APOOL: variants seen among roughly 807,000 people sequenced by gnomAD.
The protein encoded by APOOL is MICOS complex subunit MIC27.
In APOOL, 12 loss-of-function variants were observed where a neutral mutation model predicts 23.1. That is an observed-to-expected ratio of 0.52 (90% CI 0.33 to 0.84). The LOEUF (loss-of-function observed/expected upper bound fraction) is 0.84, where lower values mean the gene tolerates loss of function less well. APOOL is among the 40% of genes least tolerant of loss of function. APOOL has a pLI of 0.02. For missense variants in APOOL, 212 were observed against 199.6 expected (o/e 1.06, Z -0.37); for synonymous variants, 77 against 69.9 (o/e 1.10, Z -0.51).
chrX:85,036,155 A>C lies in APOOL; in HGVS notation c.16-10291A>C, dbSNP rs944244024. Among the ~76,000 whole-genome samples the C allele has an allele frequency of 2.7e-5, 3 of 111,921 alleles. No individual in the cohort carries two copies. The Admixed American group carries it at 2.8e-4, about 11-fold the overall frequency. On this transcript the variant is annotated intron_variant, in intron 1 of 8. Transcript: ENST00000373173. Reference sequence around the variant, plus strand: ...GTTTGTGTCATCTCTGATTTCTTTCAGCAGTGTTTTATAGTTCTGATTGTA... The same window carrying C: ...GTTTGTGTCATCTCTGATTTCTTTCCGCAGTGTTTTATAGTTCTGATTGTA...
intron 1 of APOOL, among the ~76,000 whole-genome samples, chrX:85,020,023 T>C: frequency 9.0e-6 from 1 of 111,569 alleles, no homozygotes; most frequent in Non-Finnish European, 1.9e-5. Context: ...GGGCACAGAA[T>C]AGTGGGAATG....
chrX:85,057,128 G>A (rs1421166454), intron 5 of APOOL, among the ~76,000 whole-genome samples: 2 of 110,503 alleles, frequency 1.8e-5, no homozygotes, highest in Admixed American at 9.7e-5. Context: ...GGACATTTGG[G>A]TTGTTTCCAG....
At chrX:85,009,632 T>C (rs968485889) in intron 1 of APOOL, among the ~76,000 whole-genome samples, 1 of 111,596 alleles carries the variant, frequency 9.0e-6, no homozygotes, top group African/African-American at 3.3e-5. Flanking sequence ...TATTTATTTA[T>C]TTACTTTTTT....
At chrX:85,023,398 G>C (rs1482192506) in intron 1 of APOOL, among the ~76,000 whole-genome samples, 1 of 111,670 alleles carries the variant, frequency 9.0e-6, no homozygotes, top group Non-Finnish European at 1.9e-5. Context: ...CTTTAAAACA[G>C]GGATGAAATG....
At chrX:85,084,533 T>C (rs78874440) in intron 8 of APOOL, among the ~76,000 whole-genome samples, 27 of 109,764 alleles carry the variant, frequency 2.5e-4, no homozygotes, top group Non-Finnish European at 4.0e-4. Flanking sequence ...TTTTTTTTTT[T>C]CTCAAAATCC....
intron 5 of APOOL, among the ~76,000 whole-genome samples, chrX:85,058,677 T>C (rs1026607786): frequency 2.7e-5 from 3 of 111,504 alleles, no homozygotes; most frequent in African/African-American, 9.8e-5. Flanking sequence ...TTGAACTAAT[T>C]TACATCCCCA....
chrX:85,093,152 G>C lies in APOOL; in HGVS notation c.*5474G>C, dbSNP rs749552525. 1.8e-6 allele frequency: 2 copies of C among 1,128,386 alleles called. No individual in the cohort carries two copies. Among genetic ancestry groups the C allele is most frequent in the South Asian group, 4.0e-5 (2 of 50,262 alleles). 93.0% of individuals were successfully genotyped at this position (1,128,386 alleles called of 1,213,427 possible). A position where few individuals can be genotyped will look rare whatever the true frequency, so the allele number is the denominator to read the frequency against. Reference sequence around the variant, plus strand: ...GAATATTTATTAAGAAAAGGTTAATGTATAGAATATCAATACTAATTGTAA... The same window carrying C: ...GAATATTTATTAAGAAAAGGTTAATCTATAGAATATCAATACTAATTGTAA... On this transcript the variant is annotated 3_prime_UTR_variant, in exon 9 of 9. Transcript: ENST00000373173.
In APOOL at chrX:85,087,799, C is replaced by A; in HGVS notation, c.*121C>A. 3 of 564,537 alleles carry A rather than the reference C, an allele frequency of 5.3e-6. No individual in the cohort carries two copies. Among genetic ancestry groups the A allele is most frequent in the South Asian group, 9.4e-5 (2 of 21,293 alleles). The allele number at this position is 564,537 out of a possible 1,213,427, so 46.5% of individuals were successfully genotyped here. On this transcript the variant is annotated 3_prime_UTR_variant, in exon 9 of 9. Transcript: ENST00000373173. ...AGAGTATTACCTAAACCAAGTTTCT[C>A]CCTTACATTTCCAAATATGCCATTT...
chrX:85,080,980 G>A (rs1215170357), intron 8 of APOOL, among the ~76,000 whole-genome samples: 3 of 110,922 alleles, frequency 2.7e-5, no homozygotes, highest in Non-Finnish European at 5.7e-5. Flanking sequence ...TTGAGCCTAT[G>A]TGTGTCTCTG....
chrX:85,064,455 A>T (rs889514994), intron 5 of APOOL, among the ~76,000 whole-genome samples: 14 of 101,364 alleles, frequency 1.4e-4, no homozygotes, highest in Non-Finnish European at 2.2e-4. Context: ...TTCTCTAGTT[A>T]TTTTAGTTGT....
intron 5 of APOOL, among the ~76,000 whole-genome samples, chrX:85,062,315 C>G (rs61547948): frequency 0.045 from 4,962 of 110,654 alleles, 243 homozygotes; most frequent in African/African-American, 0.15. Context: ...CCATTCTGTA[C>G]GTTGTCTGTT....
At chrX:85,048,166 A>G (rs898093603) in intron 2 of APOOL, among the ~76,000 whole-genome samples, 1 of 111,414 alleles carries the variant, frequency 9.0e-6, no homozygotes, top group Non-Finnish European at 1.9e-5. Context: ...TCAACCAAAA[A>G]TATTTTCTAA....
chrX:85,058,970 G>T (rs774543797), intron 5 of APOOL, among the ~76,000 whole-genome samples: 1 of 108,396 alleles, frequency 9.2e-6, no homozygotes, highest in African/African-American at 3.4e-5. Flanking sequence ...TTGGTGTGCT[G>T]CACCCATTAA....
At chrX:85,061,750 T>C (rs371429170) in intron 5 of APOOL, among the ~76,000 whole-genome samples, 4 of 111,938 alleles carry the variant, frequency 3.6e-5, no homozygotes, top group African/African-American at 9.7e-5. Context: ...TTTTTTATTG[T>C]GTCTATTTGA....
chrX:85,041,319 T>A (rs1221869277), intron 1 of APOOL, among the ~76,000 whole-genome samples: 3 of 111,924 alleles, frequency 2.7e-5, no homozygotes, highest in Non-Finnish European at 5.6e-5. Flanking sequence ...CTCTCCCTTC[T>A]CAGCCTGAGT....
At position 85,074,468 on chromosome X, in the gene APOOL, C is replaced by CT. The variant is rs778087287; in HGVS notation, c.718+79dup. Reference sequence around the variant, plus strand: ...ATAGCATTATCATTAGTGGTTTGAACTTAAGATGTGTTCTCCCCATAAATA... The same window carrying CT: ...ATAGCATTATCATTAGTGGTTTGAACTTTAAGATGTGTTCTCCCCATAAATA... On this transcript the variant is annotated intron_variant, in intron 8 of 8. Coordinates refer to ENST00000373173, the MANE Select transcript of APOOL (RefSeq NM_198450.6). 36 of 1,059,099 alleles carry CT rather than the reference C, an allele frequency of 3.4e-5. No homozygotes were observed. The African/African-American group carries it at 4.5e-4, about 13-fold the overall frequency. 87.3% of individuals were successfully genotyped at this position (1,059,099 alleles called of 1,213,427 possible). A position where few individuals can be genotyped will look rare whatever the true frequency, so the allele number is the denominator to read the frequency against.
At chrX:85,027,249 A>C (rs1291113932) in intron 1 of APOOL, among the ~76,000 whole-genome samples, 2 of 110,921 alleles carry the variant, frequency 1.8e-5, no homozygotes, top group African/African-American at 6.6e-5. Context: ...ACTTTTAAAC[A>C]ACAAGATTTC....
chrX:85,076,981 T>C (rs1322558614), intron 8 of APOOL, among the ~76,000 whole-genome samples: 2 of 89,657 alleles, frequency 2.2e-5, no homozygotes, highest in African/African-American at 9.9e-5. Context: ...TTTTAGGTGA[T>C]AAATTTGCTA....
At chrX:85,077,076 C>T (rs7887659) in intron 8 of APOOL, among the ~76,000 whole-genome samples, 99 of 86,884 alleles carry the variant, frequency 1.1e-3, no homozygotes, top group Middle Eastern at 5.8e-3. Flanking sequence ...TATATATATA[C>T]ATATATATAT....
Sources: gnomAD v4.1 joint callset for allele counts (sites outside exome capture counted in the v4.1 genomes callset) on GRCh38, gnomAD v4.1.1 for gene constraint, MANE v1.5 for transcripts, NCBI Gene and HGNC (gene_info 2026-07-23, HGNC 2026-07-21) for gene names.